The following BCL11A variants were observed in gnomAD, a reference collection of about 807,000 sequenced individuals.
The protein encoded by BCL11A is BCL11 transcription factor A, also known as B cell CLL/lymphoma 11A.
A neutral mutation model predicts 55.9 loss-of-function variants in BCL11A; 2 were observed. That is an observed-to-expected ratio of 0.04 (90% CI 0.01 to 0.11). The LOEUF (loss-of-function observed/expected upper bound fraction) is 0.11, where lower values mean the gene tolerates loss of function less well. Ranked by LOEUF, BCL11A falls within the 10% of genes least tolerant of loss-of-function variation. BCL11A has a pLI of 1.00. For synonymous variants in BCL11A, 465 were observed against 473.4 expected (o/e 0.98, Z 0.23); for missense variants, 817 against 1,137.1 (o/e 0.72, Z 4.05).
chr2:60,519,069 C>T (rs1178689990), intron 2 of BCL11A, among the ~76,000 whole-genome samples: 1 of 152,162 alleles, frequency 6.6e-6, no homozygotes, highest in Non-Finnish European at 1.5e-5. Flanking sequence ...TTTTTCAATC[C>T]TGATACCAGC....
rs1572968067 is a variant in BCL11A at position 60,469,229 on chromosome 2, A to G, written c.386-396T>C. Among the ~76,000 whole-genome samples, 3 of 152,248 alleles carry G rather than the reference A, an allele frequency of 2.0e-5. No individual in the cohort carries two copies. The East Asian group carries it at 5.8e-4, about 29-fold the overall frequency. On this transcript the variant is annotated intron_variant, in intron 2 of 3. Coordinates refer to ENST00000642384, the MANE Select transcript of BCL11A (RefSeq NM_022893.4). ...TTATCTGCAAGGCTGGTTTACATGC[A>G]TACATTAACTTTACTTTATAGACAA...
At chr2:60,498,719 G>A (rs1679098780) in intron 2 of BCL11A, among the ~76,000 whole-genome samples, 1 of 152,216 alleles carries the variant, frequency 6.6e-6, no homozygotes, top group Admixed American at 6.5e-5. Flanking sequence ...GTGACAAGGG[G>A]AGAAACCAGT....
At chr2:60,551,064 C>T in intron 1 of BCL11A, 1 of 396,876 alleles carries the variant, frequency 2.5e-6, no homozygotes, top group Non-Finnish European at 4.4e-6. Flanking sequence ...AAATTAAATT[C>T]CCTGTGCGCA....
chr2:60,451,906 A>G (rs552419260), exon 5 of BCL11A: 46 of 229,350 alleles, frequency 2.0e-4, no homozygotes, highest in African/African-American at 1.0e-3. Flanking sequence ...ATAAACAGCA[A>G]TATTACTACT....
intron 2 of BCL11A, among the ~76,000 whole-genome samples, chr2:60,521,022 G>T (rs1367122146): frequency 6.6e-6 from 1 of 151,876 alleles, no homozygotes; most frequent in Admixed American, 6.6e-5. Context: ...TTTGGAAAGG[G>T]ATGAAATGGA....
At position 60,457,525 on chromosome 2, in the gene BCL11A, A is replaced by G; in HGVS notation, c.*2879T>C. On this transcript the variant is annotated 3_prime_UTR_variant, in exon 4 of 4. Coordinates refer to ENST00000642384, the MANE Select transcript of BCL11A (RefSeq NM_022893.4). ...CATTACAGGAATAGAAAAGGCCAAT[A>G]ACAAAATATTCTGCATTGCCATTTA... is the stretch of plus-strand genomic sequence containing the variant. The G allele has an allele frequency of 1.9e-6, 2 of 1,046,680 alleles. No individual in the cohort carries two copies. The highest frequency in any genetic ancestry group is 2.3e-6 in the Non-Finnish European group (2 of 867,122). The allele number at this position is 1,046,680 out of a possible 1,614,324, so 64.8% of individuals were successfully genotyped here.
chr2:60,460,226 C>G lies in BCL11A; in HGVS notation c.*178G>C, dbSNP rs1389950391. ...AAGAAAAAGAAAAAAAACAGGTGTG[C>G]TGGTGACAAGCACTCTCATATTCTT... On this transcript the variant is annotated 3_prime_UTR_variant, in exon 4 of 4. Transcript: ENST00000642384. 7.7e-7 allele frequency: 1 copy of G among 1,302,468 alleles called. No individual in the cohort carries two copies. Among genetic ancestry groups the G allele is most frequent in the South Asian group, 2.6e-5 (1 of 38,678 alleles). 80.7% of individuals were successfully genotyped at this position (1,302,468 alleles called of 1,614,324 possible). A position where few individuals can be genotyped will look rare whatever the true frequency, so the allele number is the denominator to read the frequency against.
At chr2:60,467,840 G>A (rs868861277) in intron 3 of BCL11A, among the ~76,000 whole-genome samples, 3 of 114,172 alleles carry the variant, frequency 2.6e-5, no homozygotes, top group African/African-American at 9.9e-5. Context: ...GGTGGTGGTG[G>A]TGGTGATGCT....
chr2:60,460,569 C>T lies in BCL11A; in HGVS notation c.2343G>A (p.Gln781=). ...TCATGTGCCTGGTGAGCTTGCTACT[C>T]TGGGCACAGGCATAGTTGCACAGCT... ...KCELCNYACA[Q]SSKLTRHMKT... The change falls in exon 4 of 4, where the codon CAG becomes CAA. Residue 781 remains glutamine, a synonymous_variant. Transcript: ENST00000642384. 6.2e-7 allele frequency: 1 copy of T among 1,614,160 alleles called. No individual in the cohort carries two copies. Among genetic ancestry groups the T allele is most frequent in the Non-Finnish European group, 8.5e-7 (1 of 1,180,040 alleles).
chr2:60,529,026 A>T (rs1296690166), intron 2 of BCL11A, among the ~76,000 whole-genome samples: 1 of 152,174 alleles, frequency 6.6e-6, no homozygotes, highest in Admixed American at 6.5e-5. Context: ...CCAGGCAGGC[A>T]CAAGCCTCTC....
chr2:60,463,260 G>A (rs967052804), intron 3 of BCL11A, among the ~76,000 whole-genome samples: 2 of 152,240 alleles, frequency 1.3e-5, no homozygotes, highest in African/African-American at 4.8e-5. Flanking sequence ...ACAAATGCAA[G>A]TCTGGAAAAG....
At chr2:60,521,853 C>G (rs1040600180) in intron 2 of BCL11A, among the ~76,000 whole-genome samples, 1 of 152,188 alleles carries the variant, frequency 6.6e-6, no homozygotes, top group Non-Finnish European at 1.5e-5. Context: ...CTCAAGCAAA[C>G]GCCACATCTG....
rs1023478506 is a variant in BCL11A at position 60,459,121 on chromosome 2, G to A, written c.*1283C>T. 3.3e-5 allele frequency: 34 copies of A among 1,022,026 alleles called. No individual in the cohort carries two copies. The highest frequency in any genetic ancestry group is 3.6e-5 in the Non-Finnish European group (31 of 851,100). The allele number at this position is 1,022,026 out of a possible 1,614,324, so 63.3% of individuals were successfully genotyped here. A position where few individuals can be genotyped will look rare whatever the true frequency, so the allele number is the denominator to read the frequency against. Reference sequence around the variant, plus strand: ...TAAATGGCAAATAGTACCACGTTGTGCTAATAAATCATATTATTTTCTTCT... The same window carrying A: ...TAAATGGCAAATAGTACCACGTTGTACTAATAAATCATATTATTTTCTTCT... On this transcript the variant is annotated 3_prime_UTR_variant, in exon 4 of 4. Coordinates refer to ENST00000642384, the MANE Select transcript of BCL11A (RefSeq NM_022893.4).
chr2:60,539,363 C>T (rs972769167), intron 2 of BCL11A, among the ~76,000 whole-genome samples: 3 of 152,056 alleles, frequency 2.0e-5, no homozygotes, highest in African/African-American at 2.4e-5. Flanking sequence ...ACCTCACCAC[C>T]CCCCATGCCT....
chr2:60,548,332 T>C (rs1188399545), intron 1 of BCL11A, among the ~76,000 whole-genome samples: 3 of 146,094 alleles, frequency 2.1e-5, no homozygotes, highest in Admixed American at 1.4e-4. Flanking sequence ...TTAAGATTCT[T>C]TTTTTTTTTT....
At chr2:60,503,306 G>A (rs779672760) in intron 2 of BCL11A, among the ~76,000 whole-genome samples, 3 of 152,164 alleles carry the variant, frequency 2.0e-5, no homozygotes, top group Non-Finnish European at 4.4e-5. Flanking sequence ...AAAGGCAGGT[G>A]GCTGCAAGGA....
chr2:60,546,200 C>G lies in BCL11A; in HGVS notation c.156G>C (p.Gln52His). The change falls in exon 2 of 4, where the codon CAG becomes CAC. Residue 52 changes from glutamine to histidine, a missense_variant. Coordinates refer to ENST00000642384, the MANE Select transcript of BCL11A (RefSeq NM_022893.4). This position sits in a 1 kb window ranked among gnomAD's most constrained non-coding sequence, Gnocchi z 4.1. The part of the protein sequence containing the change: ...DHDLLTCGQC[Q>H]MNFPLGDILI... ...GAATGTCCCCCAATGGGAAGTTCAT[C>G]TGGCACTGCCCACAGGTGAGGAGGT... 6.2e-7 allele frequency: 1 copy of G among 1,614,236 alleles called. No homozygotes were observed. Among genetic ancestry groups the G allele is most frequent in the African/African-American group, 1.3e-5 (1 of 75,062 alleles).
At position 60,461,166 on chromosome 2, in the gene BCL11A, CCT is replaced by C; in HGVS notation, c.1744_1745del (p.Arg582GlyfsTer21). The C allele has an allele frequency of 6.2e-7, 1 of 1,612,612 alleles. No homozygotes were observed. The highest frequency in any genetic ancestry group is 8.5e-7 in the Non-Finnish European group (1 of 1,179,814). ...RGHLAEAEGHRDTCDEDSVAG... is the reference protein window; with the variant it reads ...RGHLAEAEGHXDTCDEDSVAG... ...CCACCGAGTCTTCGTCGCAAGTGTC[CCT>C]GTGGCCCTCGGCCTCGGCCAGGTGG... On this transcript the variant is annotated frameshift_variant, in exon 4 of 4. Transcript: ENST00000642384. LOFTEE classifies it high-confidence loss of function.
At position 60,510,343 on chromosome 2, in the gene BCL11A, C is replaced by T. The variant is rs1374509727; in HGVS notation, c.385+35628G>A. 2.6e-5 allele frequency among the ~76,000 whole-genome samples: 4 copies of T among 152,278 alleles called. No individual in the cohort carries two copies. In the East Asian group the frequency reaches 7.7e-4, roughly 29 times the overall value. ...GGCCCCTTGCTCCTCCTCCAGTAGC[C>T]AGGCGTATTACACACAAGGTCTCTG... is the stretch of plus-strand genomic sequence containing the variant. On this transcript the variant is annotated intron_variant, in intron 2 of 3. Transcript: ENST00000642384.
Sources: gnomAD v4.1 joint callset for allele counts (sites outside exome capture counted in the v4.1 genomes callset) on GRCh38, gnomAD v4.1.1 for gene constraint, Gnocchi (gnomAD v3.1) non-coding constraint, MANE v1.5 for transcripts, NCBI Gene and HGNC (gene_info 2026-07-23, HGNC 2026-07-21) for gene names.